Variants in FLT1 observed in about 807,000 individuals in gnomAD.
The protein encoded by FLT1 is vascular endothelial growth factor receptor 1.
Under a neutral mutation model 156.3 loss-of-function variants are expected in FLT1, and 49 were observed. The ratio of observed to expected loss-of-function variants is 0.31; its 90% CI spans 0.25 to 0.40. The LOEUF (loss-of-function observed/expected upper bound fraction) is 0.40, where lower values mean the gene tolerates loss of function less well. FLT1 is among the 10% of genes least tolerant of loss of function. The probability of loss-of-function intolerance (pLI) is 1.00; values close to 1 mark genes in which losing one functional copy is unlikely to be tolerated. For missense variants in FLT1, 1,322 were observed against 1,637.2 expected (o/e 0.81, Z 3.32); for synonymous variants, 594 against 583.8 (o/e 1.02, Z -0.25).
intron 14 of FLT1, among the ~76,000 whole-genome samples, chr13:28,367,373 CTTA>C (rs1328178112): frequency 6.6e-6 from 1 of 152,156 alleles, no homozygotes; most frequent in East Asian, 1.9e-4. Context: ...ATTTGAATTA[CTTA>C]TTATGTTGGT....
intron 4 of FLT1, among the ~76,000 whole-genome samples, chr13:28,437,683 G>A (rs902402678): frequency 6.6e-6 from 1 of 152,108 alleles, no homozygotes; most frequent in African/African-American, 2.4e-5. Context: ...AAAGTTTCAC[G>A]TATGGCCTTC....
At position 28,339,157 on chromosome 13, in the gene FLT1, A is replaced by G. The variant is rs1301472111; in HGVS notation, c.2488+11T>C. 1 of 1,613,736 alleles carries G rather than the reference A, an allele frequency of 6.2e-7. No individual in the cohort carries two copies. The highest frequency in any genetic ancestry group is 8.5e-7 in the Non-Finnish European group (1 of 1,179,680). On this transcript the variant is annotated intron_variant, in intron 17 of 29. Transcript: ENST00000282397. ...GTATAGGTTTATGAATCTGTTGAAC[A>G]AATATCTTACCCAGTTTAAGTCTCT...
At chr13:28,412,358 T>TTC in intron 10 of FLT1, among the ~76,000 whole-genome samples, 6 of 122,444 alleles carry the variant, frequency 4.9e-5, no homozygotes, top group African/African-American at 1.2e-4. Flanking sequence ...TTCTCTTTCT[T>TTC]TCTTTCTTTC....
chr13:28,338,129 C>T (rs1188853023), intron 17 of FLT1, among the ~76,000 whole-genome samples: 1 of 152,158 alleles, frequency 6.6e-6, no homozygotes, highest in African/African-American at 2.4e-5. Context: ...TGAGGCCAGT[C>T]CTTCCTCAGT....
chr13:28,399,039 T>C, intron 11 of FLT1: 5 of 1,544,384 alleles, frequency 3.2e-6, no homozygotes, highest in South Asian at 1.2e-5. Context: ...CCCACCCGTT[T>C]AGAGTCACGG....
At chr13:28,412,368 C>CTTTTCTTTCTTTCTT (rs1218478620) in intron 10 of FLT1, among the ~76,000 whole-genome samples, 1 of 72,872 alleles carries the variant, frequency 1.4e-5, no homozygotes, top group Non-Finnish European at 3.5e-5. Context: ...TTCTTTCTTT[C>CTTTTCTTTCTTTCTT]TTTCTTTCTT....
chr13:28,476,530 T>A (rs1370187297), intron 1 of FLT1, among the ~76,000 whole-genome samples: 1 of 152,228 alleles, frequency 6.6e-6, no homozygotes, highest in Non-Finnish European at 1.5e-5. Flanking sequence ...GTAGAAAGTT[T>A]CTAATCCTAG....
chr13:28,392,213 G>T (rs781119824), intron 12 of FLT1, among the ~76,000 whole-genome samples: 1 of 152,208 alleles, frequency 6.6e-6, no homozygotes, highest in African/African-American at 2.4e-5. Flanking sequence ...AGTGGCTTAC[G>T]AAGCCGTCAG....
chr13:28,461,565 A>G (rs1429070049), intron 3 of FLT1, among the ~76,000 whole-genome samples: 1 of 152,150 alleles, frequency 6.6e-6, no homozygotes, highest in Non-Finnish European at 1.5e-5. Flanking sequence ...AATCCTCCTC[A>G]GAATCGCCAC....
chr13:28,318,754 C>T lies in FLT1; in HGVS notation c.3286+669G>A, dbSNP rs185028588. Among the ~76,000 whole-genome samples, 236 of 152,240 alleles carry T rather than the reference C, an allele frequency of 1.6e-3. 2 individuals are homozygous for T. The highest frequency in any genetic ancestry group is 2.1e-3 in the South Asian group (10 of 4,822). ...TTGGCAAAGCCCAAAAGACTCTTGG[C>T]GAGAACTTGAGTTTTAGAGGCCTCA... On this transcript the variant is annotated intron_variant, in intron 24 of 29. Coordinates refer to ENST00000282397, the MANE Select transcript of FLT1 (RefSeq NM_002019.4).
intron 15 of FLT1, chr13:28,345,835 G>A: frequency 3.0e-6 from 1 of 330,918 alleles, no homozygotes; most frequent in East Asian, 5.5e-5. Flanking sequence ...TGTAATTCCA[G>A]AAACAGCTAA....
At chr13:28,475,617 G>T (rs751583801) in intron 1 of FLT1, among the ~76,000 whole-genome samples, 1 of 152,116 alleles carries the variant, frequency 6.6e-6, no homozygotes, top group South Asian at 2.1e-4. Flanking sequence ...GATGGGAGAA[G>T]GGTTAAGAAT....
intron 29 of FLT1, among the ~76,000 whole-genome samples, chr13:28,306,038 G>A (rs1345455415): frequency 6.6e-6 from 1 of 152,220 alleles, no homozygotes; most frequent in Non-Finnish European, 1.5e-5. Flanking sequence ...CATCCGACAG[G>A]TGCAGCTTTT....
chr13:28,470,080 G>A (rs1204918229), intron 1 of FLT1, among the ~76,000 whole-genome samples: 1 of 152,088 alleles, frequency 6.6e-6, no homozygotes, highest in Non-Finnish European at 1.5e-5. Context: ...TTTACAGACA[G>A]TAGATCCCGG....
intron 10 of FLT1, among the ~76,000 whole-genome samples, chr13:28,420,258 G>T (rs1876923338): frequency 6.6e-6 from 1 of 151,710 alleles, no homozygotes; most frequent in South Asian, 2.1e-4. Context: ...TGTGATGAAA[G>T]CCTCCTGTAT....
At chr13:28,417,122 T>C (rs576018780) in intron 10 of FLT1, among the ~76,000 whole-genome samples, 146 of 152,316 alleles carry the variant, frequency 9.6e-4, no homozygotes, top group African/African-American at 3.3e-3. Context: ...GGCCAATAGA[T>C]AGCAGAACAT....
At position 28,313,918 on chromosome 13, in the gene FLT1, C is replaced by T. The variant is rs1183026573; in HGVS notation, c.3387-1820G>A. On this transcript the variant is annotated intron_variant, in intron 25 of 29. Transcript: ENST00000282397. ...AAAAAAAAAAAAAAAAAGAAGAATC[C>T]GGGTGTGGTGGCTCACACCTGTAGT... 3.9e-5 allele frequency among the ~76,000 whole-genome samples: 5 copies of T among 126,788 alleles called. No individual in the cohort carries two copies. In the East Asian group the frequency reaches 1.3e-3, roughly 34 times the overall value. The allele number at this position is 126,788 out of a possible 152,430, so 83.2% of individuals were successfully genotyped here. A position where few individuals can be genotyped will look rare whatever the true frequency, so the allele number is the denominator to read the frequency against.
rs73158146 is a variant in FLT1 at position 28,369,833 on chromosome 13, C to T, written c.2117-12148G>A. ...GTGTAAGCCCTGATAAGACGATTTA[C>T]GCTTTAGCCATGAAAAAGACAGAGA... On this transcript the variant is annotated intron_variant, in intron 14 of 29. Coordinates refer to ENST00000282397, the MANE Select transcript of FLT1 (RefSeq NM_002019.4). 2.0e-3 allele frequency among the ~76,000 whole-genome samples: 307 copies of T among 152,216 alleles called. 1 individual carries two copies. Among genetic ancestry groups the T allele is most frequent in the African/African-American group, 6.8e-3 (284 of 41,506 alleles).
intron 3 of FLT1, among the ~76,000 whole-genome samples, chr13:28,459,633 A>T (rs7335405): frequency 0.068 from 10,419 of 152,308 alleles, 401 homozygotes; most frequent in South Asian, 0.11. Flanking sequence ...TAAAAAATTC[A>T]ACCAACTAGT....
Sources: gnomAD v4.1 joint callset for allele counts (sites outside exome capture counted in the v4.1 genomes callset) on GRCh38, gnomAD v4.1.1 for gene constraint, MANE v1.5 for transcripts, NCBI Gene and HGNC (gene_info 2026-07-23, HGNC 2026-07-21) for gene names.